Variants in EXOSC10 observed in about 807,000 individuals in gnomAD.
The protein encoded by EXOSC10 is exosome component 10.
A neutral mutation model predicts 126.6 loss-of-function variants in EXOSC10; 94 were observed. That is an observed-to-expected ratio of 0.74 (90% CI 0.63 to 0.88). The LOEUF is 0.88. Ranked by LOEUF, EXOSC10 falls within the 40% of genes least tolerant of loss-of-function variation. EXOSC10 has a pLI of 0.00. For synonymous variants in EXOSC10, 395 were observed against 400.8 expected (o/e 0.99, Z 0.17); for missense variants, 1,041 against 1,100.5 (o/e 0.95, Z 0.77).
At chr1:11,073,899 A>AAAG (rs377479487) in intron 19 of EXOSC10, 35 bp downstream of exon 19, 178,695 of 778,852 alleles carry the variant, frequency 0.23, 24,838 homozygotes, top group East Asian at 0.26. Context: ...AAAAAAAAAA[A>AAAG]AGTCTCTTTT....
Position 11,077,433 on chromosome 1 carries a change from T to A in EXOSC10, c.1811A>T (p.Asn604Ile). The change falls in exon 16 of 25, where the codon AAT (asparagine) becomes ATT (isoleucine). Residue 604 changes from asparagine (N) to isoleucine (I), a missense_variant. Asn to Ile is a moderately radical substitution (Grantham distance 149). Coordinates refer to ENST00000376936, the MANE Select transcript of EXOSC10 (RefSeq NM_001001998.3). ...GCAGTCGTGAGGTCCAAAGAGAACA[T>A]TCTCCAATCTCTGCATTAAAAGACA... Reference protein sequence around the residue: ...GPLPSAERLENVLFGPHDCSH... With the variant: ...GPLPSAERLEIVLFGPHDCSH... 1 of 1,614,006 alleles carries A rather than the reference T, an allele frequency of 6.2e-7. No individual in the cohort carries two copies. The highest frequency in any genetic ancestry group is 8.5e-7 in the Non-Finnish European group (1 of 1,179,914).
intron 2 of EXOSC10, 47 bp downstream of exon 2, chr1:11,097,972 GT>G: frequency 6.9e-7 from 1 of 1,447,462 alleles, no homozygotes; most frequent in Non-Finnish European, 9.1e-7. Context: ...CTACTTCTTT[GT>G]TTTCATTTCT....
chr1:11,089,447 TAA>T (rs56995108), intron 6 of EXOSC10, among the ~76,000 whole-genome samples: 3 of 133,838 alleles, frequency 2.2e-5, no homozygotes, highest in Non-Finnish European at 4.9e-5. Context: ...CTGTCTCTAC[TAA>T]AAAAAAAAAA....
chr1:11,094,667 C>A (rs983493629), intron 3 of EXOSC10, among the ~76,000 whole-genome samples: 1 of 148,278 alleles, frequency 6.7e-6, no homozygotes, highest in African/African-American at 2.5e-5. Flanking sequence ...GTGGCATGAT[C>A]GCGGCTCACT....
chr1:11,086,711 G>C (rs965966002), intron 9 of EXOSC10, among the ~76,000 whole-genome samples: 4 of 152,258 alleles, frequency 2.6e-5, no homozygotes, highest in South Asian at 4.1e-4. Context: ...ACCTGCTCCT[G>C]AATGACTACT....
At chr1:11,076,781 A>G (rs17036297) in intron 17 of EXOSC10, 61 bp downstream of exon 17, 56,824 of 1,288,574 alleles carry the variant, frequency 0.044, 2,441 homozygotes, top group African/African-American at 0.14. Flanking sequence ...CAGCCTGCTG[A>G]ATAAATCCAG....
chr1:11,077,824 A>G (rs1020197516), intron 14 of EXOSC10, among the ~76,000 whole-genome samples, 173 bp from the exon 15 acceptor site: 18 of 152,184 alleles, frequency 1.2e-4, no homozygotes, highest in African/African-American at 4.1e-4. Flanking sequence ...TTGGTGCTCA[A>G]TAATTATTTG....
intron 5 of EXOSC10, 129 bp downstream of exon 5, chr1:11,090,885 G>A (rs1411598029): frequency 1.8e-6 from 2 of 1,091,920 alleles, no homozygotes; most frequent in East Asian, 2.4e-5. Flanking sequence ...TGGAATAGCT[G>A]AACTGGGCTC....
chr1:11,071,767 C>T (rs774682125), intron 20 of EXOSC10: 17 of 243,842 alleles, frequency 7.0e-5, no homozygotes, highest in Admixed American at 3.1e-4. Flanking sequence ...GAACTAGCCC[C>T]AGGGCCTCTG....
intron 3 of EXOSC10, chr1:11,095,332 C>T (rs1641017538): frequency 1.3e-5 from 2 of 152,528 alleles, no homozygotes; most frequent in Admixed American, 6.5e-5. Context: ...AAATGTTAAG[C>T]TTATTTCCTT....
intron 1 of EXOSC10, 121 bp downstream of exon 1, chr1:11,099,600 G>C (rs549278211): frequency 1.4e-5 from 16 of 1,134,874 alleles, no homozygotes; most frequent in Middle Eastern, 2.9e-4. Flanking sequence ...GCGCGGACAG[G>C]GGCCCCGCGA....
chr1:11,070,521 CA>C lies in EXOSC10; in HGVS notation c.2316+378del, dbSNP rs70977541. The C allele has an allele frequency of 9.8e-3, 1,110 of 112,724 alleles. 8 individuals are homozygous for C. The highest frequency in any genetic ancestry group is 0.039 in the African/African-American group (973 of 24,958). 7.0% of individuals were successfully genotyped at this position (112,724 alleles called of 1,614,324 possible). ...TGTGCAACAGAGGTAGACACTACTT[CA>C]AAAAAAAAAAAAAAAAAAAAAGAGT... is the stretch of plus-strand genomic sequence containing the variant. On this transcript the variant is annotated intron_variant, in intron 21 of 24. Coordinates refer to ENST00000376936, the MANE Select transcript of EXOSC10 (RefSeq NM_001001998.3).
At position 11,069,631 on chromosome 1, in the gene EXOSC10, T is replaced by C. The variant is rs758478602; in HGVS notation, c.2416A>G (p.Lys806Glu). Residue 806 changes from lysine to glutamate, a missense_variant, in exon 22 of 25, where the codon AAG becomes GAG. Lys to Glu is a moderately conservative substitution (Grantham distance 56). Around this residue, in one of 3 missense-constraint regions of EXOSC10, gnomAD observed 388 missense variants for 415.2 expected, o/e 0.93. Transcript: ENST00000376936. ...KKRLKISKKP[K>E]DPEPPEKEFT... ...TCTTTTTCTGGTGGCTCTGGGTCCT[T>C]TGGCTTCTTGGAAATTTTGAGTCGT... is the stretch of plus-strand genomic sequence containing the variant. The C allele has an allele frequency of 1.9e-6, 3 of 1,614,228 alleles. No homozygotes were observed. Among genetic ancestry groups the C allele is most frequent in the South Asian group, 2.2e-5 (2 of 91,082 alleles).
rs777576011 is a variant in EXOSC10, at chr1:11,068,723, G to C, written c.2489-17C>G. ...TGCTGTTTCCTGAAAGGTAAGAGAT[G>C]AGAGAGACCTGCGGTCAGGTCAATG... On this transcript the variant is annotated splice_polypyrimidine_tract_variant and intron_variant, in intron 22 of 24. Coordinates refer to ENST00000376936, the MANE Select transcript of EXOSC10 (RefSeq NM_001001998.3). 1.2e-6 allele frequency: 2 copies of C among 1,609,570 alleles called. No homozygotes were observed. The highest frequency in any genetic ancestry group is 1.7e-5 in the Admixed American group (1 of 60,004).
chr1:11,090,058 C>T (rs542909293), intron 6 of EXOSC10, among the ~76,000 whole-genome samples: 8 of 148,146 alleles, frequency 5.4e-5, no homozygotes, highest in Admixed American at 2.1e-4. Flanking sequence ...AGTGCAGTGA[C>T]GCCATCTTGG....
At chr1:11,071,342 A>G (rs1639477514) in intron 20 of EXOSC10, 1 of 257,650 alleles carries the variant, frequency 3.9e-6, no homozygotes, top group Non-Finnish European at 7.4e-6. Flanking sequence ...CCAGCTGCTC[A>G]GGACAAAACC....
At chr1:11,071,874 A>T in intron 20 of EXOSC10, 1 of 479,824 alleles carries the variant, frequency 2.1e-6, no homozygotes, top group Non-Finnish European at 3.7e-6. Flanking sequence ...CACCAACGAG[A>T]CAGCTACAGC....
chr1:11,094,188 G>A (rs1045043318), intron 3 of EXOSC10, among the ~76,000 whole-genome samples: 1 of 152,038 alleles, frequency 6.6e-6, no homozygotes, highest in African/African-American at 2.4e-5. Context: ...TGTTGCCCAG[G>A]CTGGTTCTGG....
intron 1 of EXOSC10, 188 bp downstream of exon 1, chr1:11,099,533 C>A: frequency 1.8e-6 from 1 of 555,368 alleles, no homozygotes; most frequent in South Asian, 3.0e-5. Flanking sequence ...GCGGGACGCC[C>A]CTCAGTGTCC....
Sources: gnomAD v4.1 joint callset for allele counts (sites outside exome capture counted in the v4.1 genomes callset) on GRCh38, gnomAD v4.1.1 for gene constraint, gnomAD v4.1.1 regional missense constraint, MANE v1.5 for transcripts, NCBI Gene and HGNC (gene_info 2026-07-23, HGNC 2026-07-21) for gene names.